Variants in RNF128 observed in about 807,000 individuals in gnomAD.
The protein encoded by RNF128 is ring finger protein 128.
RNF128 carries 13 observed loss-of-function variants against 26.2 expected under a neutral mutation model. The ratio of observed to expected loss-of-function variants is 0.50; its 90% CI spans 0.32 to 0.79. The LOEUF (loss-of-function observed/expected upper bound fraction) is 0.79, where lower values mean the gene tolerates loss of function less well. Ranked by LOEUF, RNF128 falls within the 30% of genes least tolerant of loss-of-function variation. The probability of loss-of-function intolerance (pLI) is 0.03; values close to 1 mark genes in which losing one functional copy is unlikely to be tolerated. For synonymous variants in RNF128, 149 were observed against 142.5 expected, an observed-to-expected ratio of 1.05 and a Z score of -0.32; for missense variants, 315 against 349.7, an observed-to-expected ratio of 0.90 and a Z score of 0.79.
chrX:106,719,716 C>A (rs1476886115), intron 1 of RNF128, among the ~76,000 whole-genome samples: 1 of 110,692 alleles, frequency 9.0e-6, no homozygotes, highest in Non-Finnish European at 1.9e-5. Flanking sequence ...CAAAATATAT[C>A]TGTTCAATTT....
intron 1 of RNF128, among the ~76,000 whole-genome samples, chrX:106,714,782 G>A (rs747927883): frequency 8.9e-6 from 1 of 111,893 alleles, no homozygotes; most frequent in African/African-American, 3.2e-5. Context: ...AAAAAATGTT[G>A]TATAAATTGA....
intron 1 of RNF128, among the ~76,000 whole-genome samples, chrX:106,733,851 C>G (rs968144582): frequency 9.1e-6 from 1 of 110,284 alleles, no homozygotes. Context: ...CAGGCCTGTG[C>G]TAACACACCC....
intron 1 of RNF128, among the ~76,000 whole-genome samples, chrX:106,761,628 C>T (rs1930122152): frequency 9.0e-6 from 1 of 111,115 alleles, no homozygotes; most frequent in East Asian, 2.8e-4. Flanking sequence ...TGTATGATCT[C>T]ATGAGTACTC....
At chrX:106,698,684 C>A (rs1350005666) in intron 1 of RNF128, among the ~76,000 whole-genome samples, 1 of 111,540 alleles carries the variant, frequency 9.0e-6, no homozygotes, top group African/African-American at 3.3e-5. Context: ...AGTTGATTTC[C>A]CTGCCACTCT....
In RNF128 at chrX:106,694,115, A is replaced by G; in HGVS notation, c.113A>G (p.Asn38Ser). ...GCCTATGTGACTGTGACTTATTACA[A>G]TGAAACCAGCAACTACACTGCAATA... The change falls in exon 1 of 7, where the codon AAT (asparagine) becomes AGT (serine). Residue 38 changes from asparagine to serine, a missense_variant. Transcript: ENST00000324342. 1.7e-6 allele frequency: 2 copies of G among 1,210,630 alleles called. 1 individual carries two copies. The highest frequency in any genetic ancestry group is 3.5e-5 in the African/African-American group (2 of 57,712).
At chrX:106,781,442 C>T (rs775738541) in intron 2 of RNF128, among the ~76,000 whole-genome samples, 3 of 111,351 alleles carry the variant, frequency 2.7e-5, no homozygotes, top group East Asian at 5.7e-4. Flanking sequence ...TGTTCAAACA[C>T]GTGTTGAATA....
intron 2 of RNF128, among the ~76,000 whole-genome samples, chrX:106,782,436 C>T (rs1052870517): frequency 9.0e-6 from 1 of 111,598 alleles, no homozygotes; most frequent in Non-Finnish European, 1.9e-5. Flanking sequence ...GGAAGGATTG[C>T]CACAGTTTGA....
chrX:106,740,193 G>A (rs1300195644), intron 1 of RNF128, among the ~76,000 whole-genome samples: 1 of 111,493 alleles, frequency 9.0e-6, no homozygotes, highest in Non-Finnish European at 1.9e-5. Context: ...TCCTTCCAGG[G>A]ACCTCACATT....
In RNF128 at chrX:106,769,546, GTTT is replaced by G. The variant is rs752900867; in HGVS notation, c.485-3351_485-3349del. Reference sequence around the variant, plus strand: ...AGACTAGGATTGCTACACCTGCTTTGTTTTTTTTTTTTTTTTTTGCTTTCCATT... The same window carrying G: ...AGACTAGGATTGCTACACCTGCTTTGTTTTTTTTTTTTTTTGCTTTCCATT... On this transcript the variant is annotated intron_variant, in intron 1 of 6. Transcript: ENST00000255499. 8.4e-4 allele frequency among the ~76,000 whole-genome samples: 55 copies of G among 65,108 alleles called. 1 individual carries two copies. Among genetic ancestry groups the G allele is most frequent in the African/African-American group, 3.1e-3 (54 of 17,273 alleles). 56.5% of individuals were successfully genotyped at this position (65,108 alleles called of 115,157 possible).
At position 106,694,329 on chromosome X, in the gene RNF128, G is replaced by T. The variant is rs371282965; in HGVS notation, c.327G>T (p.Ala109=). The T allele has an allele frequency of 3.3e-6, 4 of 1,209,416 alleles. No homozygotes were observed. The South Asian group carries it at 5.3e-5, about 16-fold the overall frequency. ...CATTTTCAGAAAAAATTCAAACAGC[G>T]GGCAGAAGAAATGCTGATGCTGTTG... Residue 109 remains alanine, a synonymous_variant, in exon 1 of 7, where the codon GCG becomes GCT. Transcript: ENST00000324342.
At chrX:106,713,805 T>C (rs1929168379) in intron 1 of RNF128, among the ~76,000 whole-genome samples, 2 of 110,971 alleles carry the variant, frequency 1.8e-5, no homozygotes, top group African/African-American at 6.6e-5. Flanking sequence ...GTGCACAAAA[T>C]TGTGTGTGTT....
At chrX:106,715,646 T>A (rs1929202871) in intron 1 of RNF128, among the ~76,000 whole-genome samples, 1 of 112,192 alleles carries the variant, frequency 8.9e-6, no homozygotes, top group Non-Finnish European at 1.9e-5. Flanking sequence ...CAACTGGAGA[T>A]AAAAGAGAGC....
chrX:106,762,981 C>T (rs1169076169), intron 1 of RNF128, among the ~76,000 whole-genome samples: 1 of 108,917 alleles, frequency 9.2e-6, no homozygotes, highest in African/African-American at 3.3e-5. Flanking sequence ...GCCTATATAA[C>T]ATACCAACAC....
chrX:106,752,435 C>T (rs975088318), intron 1 of RNF128, among the ~76,000 whole-genome samples: 1 of 112,428 alleles, frequency 8.9e-6, no homozygotes, highest in Admixed American at 9.4e-5. Flanking sequence ...AGATATTACC[C>T]AAGACCACCA....
intron 1 of RNF128, among the ~76,000 whole-genome samples, chrX:106,754,718 A>C (rs1242661615): frequency 9.0e-6 from 1 of 110,765 alleles, no homozygotes; most frequent in African/African-American, 3.3e-5. Context: ...TAAGAAGAAA[A>C]TTTTAAAATT....
chrX:106,785,926 A>T (rs182308626), intron 3 of RNF128, among the ~76,000 whole-genome samples: 1 of 111,949 alleles, frequency 8.9e-6, no homozygotes, highest in Admixed American at 9.6e-5. Context: ...ATCAAAGAAG[A>T]TCTAAATAAA....
At chrX:106,727,797 G>A (rs1929432544) in intron 1 of RNF128, among the ~76,000 whole-genome samples, 1 of 110,929 alleles carries the variant, frequency 9.0e-6, no homozygotes, top group African/African-American at 3.3e-5. Context: ...ACCTCAGACT[G>A]GCAGCAGATT....
chrX:106,724,862 C>T (rs1256093218), upstream of RNF128, among the ~76,000 whole-genome samples: 2 of 112,074 alleles, frequency 1.8e-5, no homozygotes, highest in Non-Finnish European at 3.8e-5. Flanking sequence ...AATTTATGAG[C>T]TTCTTGATAG....
intron 1 of RNF128, among the ~76,000 whole-genome samples, chrX:106,717,245 A>G (rs772966491): frequency 2.0e-4 from 22 of 111,685 alleles, no homozygotes; most frequent in Non-Finnish European, 3.4e-4. Context: ...TGTATTCAAT[A>G]TGCAATGAAA....
Sources: gnomAD v4.1 joint callset for allele counts (sites outside exome capture counted in the v4.1 genomes callset) on GRCh38, gnomAD v4.1.1 for gene constraint, MANE v1.5 for transcripts, NCBI Gene and HGNC (gene_info 2026-07-23, HGNC 2026-07-21) for gene names.